ESR1: variants seen among roughly 807,000 people sequenced by gnomAD.
ESR1 encodes the protein estrogen receptor 1, also known as estrogen receptor.
In ESR1, 12 loss-of-function variants were observed where a neutral mutation model predicts 52.7. The observed-to-expected ratio is 0.23, with a 90% confidence interval of 0.15 to 0.37. The LOEUF is 0.37. Ranked by LOEUF, ESR1 falls within the 10% of genes least tolerant of loss-of-function variation. ESR1 has a pLI of 1.00. For missense variants in ESR1, 584 were observed against 779.7 expected, an observed-to-expected ratio of 0.75 and a Z score of 2.99; for synonymous variants, 305 against 316.8, an observed-to-expected ratio of 0.96 and a Z score of 0.39.
intron 3 of ESR1, among the ~76,000 whole-genome samples, chr6:151,937,923 CT>C (rs1315538527): frequency 6.6e-6 from 1 of 152,070 alleles, no homozygotes; most frequent in East Asian, 1.9e-4. Flanking sequence ...AGTACTTAAC[CT>C]TATAGTACTT....
intron 2 of ESR1, among the ~76,000 whole-genome samples, chr6:151,865,432 C>T (rs985969767): frequency 3.3e-5 from 5 of 152,120 alleles, no homozygotes; most frequent in African/African-American, 7.2e-5. Context: ...CAGTCATCAA[C>T]GGACATATCA....
At chr6:151,869,724 A>G (rs1017276899) in intron 2 of ESR1, among the ~76,000 whole-genome samples, 2 of 152,194 alleles carry the variant, frequency 1.3e-5, no homozygotes, top group African/African-American at 4.8e-5. Flanking sequence ...GAAACTTTCC[A>G]GGACAAATTT....
chr6:152,093,597 C>T (rs981608123), intron 6 of ESR1, among the ~76,000 whole-genome samples: 4 of 152,144 alleles, frequency 2.6e-5, no homozygotes, highest in African/African-American at 9.7e-5. Context: ...GTGATGGTCT[C>T]ACTTTCTGTC....
At chr6:151,803,844 T>C (rs1217447368), upstream of ESR1, among the ~76,000 whole-genome samples, 1 of 152,062 alleles carries the variant, frequency 6.6e-6, no homozygotes, top group African/African-American at 2.4e-5. Flanking sequence ...TCTGGGTGGC[T>C]GGAGAGACAG....
upstream of ESR1, among the ~76,000 whole-genome samples, chr6:151,690,184 A>C (rs1268375034): frequency 6.6e-6 from 1 of 152,166 alleles, no homozygotes; most frequent in Non-Finnish European, 1.5e-5. Context: ...CTAACTTTGG[A>C]TTAACAAAAT....
intron 3 of ESR1, among the ~76,000 whole-genome samples, chr6:151,938,832 G>A (rs1403508047): frequency 6.6e-6 from 1 of 152,166 alleles, no homozygotes; most frequent in Non-Finnish European, 1.5e-5. Context: ...TTTAACCCAA[G>A]GAGATGAAAT....
At chr6:151,667,238 A>T (rs570906959) in intron 1 of ESR1, among the ~76,000 whole-genome samples, 3,107 of 152,288 alleles carry the variant, frequency 0.02, 24 homozygotes, top group South Asian at 0.042. Context: ...TACATATCAG[A>T]ACACTTGTCA....
intron 2 of ESR1, among the ~76,000 whole-genome samples, chr6:151,797,308 A>T (rs1403164846): frequency 1.3e-5 from 2 of 152,254 alleles, no homozygotes; most frequent in Non-Finnish European, 2.9e-5. Flanking sequence ...AGTTATATTT[A>T]GTTCAGTCGT....
intron 3 of ESR1, among the ~76,000 whole-genome samples, chr6:151,942,319 A>G (rs977870409): frequency 3.9e-5 from 6 of 152,210 alleles, no homozygotes; most frequent in African/African-American, 1.4e-4. Flanking sequence ...AACTGAAAAC[A>G]AAAGCAAACT....
At chr6:151,986,339 T>C (rs1478204084) in intron 4 of ESR1, among the ~76,000 whole-genome samples, 1 of 152,176 alleles carries the variant, frequency 6.6e-6, no homozygotes, top group Non-Finnish European at 1.5e-5. Context: ...ATTGTTGCTT[T>C]TCTTTTTCTG....
At chr6:151,874,408 T>C (rs774608459) in intron 2 of ESR1, among the ~76,000 whole-genome samples, 3 of 152,198 alleles carry the variant, frequency 2.0e-5, no homozygotes, top group African/African-American at 4.8e-5. Context: ...TGGAGCACTT[T>C]GAAATGTGCC....
chr6:151,666,696 C>CCCTCCTCCT (rs56871778), intron 1 of ESR1, among the ~76,000 whole-genome samples: 982 of 97,188 alleles, frequency 0.01, 13 homozygotes, highest in Non-Finnish European at 0.014. Flanking sequence ...TTCCCCATCC[C>CCCTCCTCCT]CCTCCTCCTC....
intron 1 of ESR1, among the ~76,000 whole-genome samples, chr6:151,811,826 CG>C (rs1332451409): frequency 6.6e-6 from 1 of 152,114 alleles, no homozygotes; most frequent in African/African-American, 2.4e-5. Flanking sequence ...AGCATATTTT[CG>C]GATGAAAACG....
At chr6:151,860,490 A>G (rs1420282010) in intron 2 of ESR1, among the ~76,000 whole-genome samples, 1 of 152,152 alleles carries the variant, frequency 6.6e-6, no homozygotes, top group Non-Finnish European at 1.5e-5. Context: ...AGAGGGAGTG[A>G]TATATGTATA....
intron 1 of ESR1, chr6:151,690,717 C>T (rs1778874110): frequency 6.6e-6 from 1 of 152,138 alleles, no homozygotes; most frequent in South Asian, 2.1e-4. Context: ...ATATAATGTG[C>T]TACTGTTTAC....
intron 5 of ESR1, among the ~76,000 whole-genome samples, chr6:152,037,687 C>G (rs949716641): frequency 8.5e-5 from 13 of 152,244 alleles, no homozygotes; most frequent in Middle Eastern, 3.4e-3. Context: ...TCAATTATCC[C>G]TAGAACAGCT....
chr6:152,097,888 AAC>A (rs1337580360), intron 7 of ESR1, among the ~76,000 whole-genome samples: 1 of 152,206 alleles, frequency 6.6e-6, no homozygotes, highest in African/African-American at 2.4e-5. Context: ...CGGGAGAATA[AAC>A]ACAAATAAAT....
At chr6:152,057,332 T>TTGGATGA (rs2047180057) in intron 5 of ESR1, among the ~76,000 whole-genome samples, 1 of 152,162 alleles carries the variant, frequency 6.6e-6, no homozygotes. Context: ...TTTGGATAAT[T>TTGGATGA]TAGCAAAACT....
At chr6:151,952,607 C>T (rs920654435) in intron 4 of ESR1, among the ~76,000 whole-genome samples, 8 of 152,182 alleles carry the variant, frequency 5.3e-5, no homozygotes, top group Admixed American at 4.6e-4. Context: ...AAAACTAGTC[C>T]TTGGTCCAGA....
Sources: allele counts gnomAD v4.1 joint callset (sites outside exome capture counted in the v4.1 genomes callset), GRCh38; gene constraint gnomAD v4.1.1; transcripts MANE v1.5; gene names NCBI Gene and HGNC (gene_info 2026-07-23, HGNC 2026-07-21).